The following SFXN1 variants were observed in gnomAD, a reference collection of about 807,000 sequenced individuals.
SFXN1 encodes the protein sideroflexin 1.
Under a neutral mutation model 39.5 loss-of-function variants are expected in SFXN1, and 32 were observed. That is an observed-to-expected ratio of 0.81 (90% CI 0.61 to 1.09). The LOEUF (loss-of-function observed/expected upper bound fraction) is 1.09. Ranked by LOEUF, SFXN1 falls within the 50% of genes least tolerant of loss-of-function variation. SFXN1 has a pLI of 0.00. For missense variants in SFXN1, 402 were observed against 407.1 expected (o/e 0.99, Z 0.11); for synonymous variants, 136 against 146.5 (o/e 0.93, Z 0.52).
chr5:175,493,782 C>T (rs1160803739), intron 2 of SFXN1, among the ~76,000 whole-genome samples: 1 of 152,178 alleles, frequency 6.6e-6, no homozygotes, highest in Non-Finnish European at 1.5e-5. Flanking sequence ...GAGAATGAAC[C>T]TGAGAAGCTT....
chr5:175,498,125 AAATT>A (rs1298814227), intron 2 of SFXN1, among the ~76,000 whole-genome samples: 10 of 152,190 alleles, frequency 6.6e-5, no homozygotes, highest in Non-Finnish European at 1.3e-4. Context: ...ATTAATGAGA[AAATT>A]AATAAGAAAC....
intron 2 of SFXN1, among the ~76,000 whole-genome samples, chr5:175,492,868 A>G (rs1369704528): frequency 6.6e-6 from 1 of 152,220 alleles, no homozygotes; most frequent in Non-Finnish European, 1.5e-5. Flanking sequence ...AAAAGATCAT[A>G]TAGGAACTAT....
chr5:175,525,471 A>G (rs557221020), intron 10 of SFXN1, among the ~76,000 whole-genome samples: 1 of 152,324 alleles, frequency 6.6e-6, no homozygotes, highest in South Asian at 2.1e-4. Context: ...TACATAAACA[A>G]TAGCCATCAT....
chr5:175,526,124 G>GTTTTTTTTTTTTTTTTTTT (rs35414343), intron 10 of SFXN1, among the ~76,000 whole-genome samples: 1 of 127,652 alleles, frequency 7.8e-6, no homozygotes. Flanking sequence ...AAATGTTTTG[G>GTTTTTTTTTTTTTTTTTTT]TTTTTTTTTT....
chr5:175,523,562 G>A (rs1760944180), intron 10 of SFXN1: 1 of 152,160 alleles, frequency 6.6e-6, no homozygotes, highest in Non-Finnish European at 1.5e-5. Context: ...CCTAAGAAAT[G>A]TAGCTGTAAT....
intron 10 of SFXN1, 54 bp from the exon 11 acceptor site, chr5:175,526,584 C>G (rs1761066471): frequency 6.9e-7 from 1 of 1,455,994 alleles, no homozygotes; most frequent in Non-Finnish European, 9.6e-7. Context: ...CTTTCTAGGT[C>G]CTGATTCTCA....
chr5:175,499,707 C>T (rs1028127601), intron 2 of SFXN1, among the ~76,000 whole-genome samples: 2 of 152,178 alleles, frequency 1.3e-5, no homozygotes, highest in African/African-American at 2.4e-5. Flanking sequence ...AGTATGAATA[C>T]GTTCCTCCTA....
chr5:175,520,426 G>C (rs144298454), intron 8 of SFXN1, among the ~76,000 whole-genome samples: 3,744 of 152,236 alleles, frequency 0.025, 66 homozygotes, highest in Non-Finnish European at 0.036. Context: ...TTGCAAGGTA[G>C]GGGTGAATAA....
At chr5:175,502,858 T>G (rs1760135782) in intron 2 of SFXN1, among the ~76,000 whole-genome samples, 1 of 148,714 alleles carries the variant, frequency 6.7e-6, no homozygotes, top group South Asian at 2.1e-4. Context: ...ATAATAATAA[T>G]AATAATAAAT....
intron 1 of SFXN1, among the ~76,000 whole-genome samples, chr5:175,479,962 C>T (rs1166782676): frequency 6.6e-6 from 1 of 152,144 alleles, no homozygotes; most frequent in Non-Finnish European, 1.5e-5. Context: ...AATGAGGAGG[C>T]TTTGCAGCTC....
At chr5:175,481,326 T>C (rs562496240) in intron 1 of SFXN1, among the ~76,000 whole-genome samples, 1 of 152,262 alleles carries the variant, frequency 6.6e-6, no homozygotes, top group Non-Finnish European at 1.5e-5. Context: ...TTTGTTGTTG[T>C]TTGTTTGGTT....
chr5:175,514,894 G>A (rs1190673319), intron 7 of SFXN1, among the ~76,000 whole-genome samples: 3 of 152,214 alleles, frequency 2.0e-5, no homozygotes, highest in African/African-American at 7.2e-5. Context: ...GGACCAGCAC[G>A]TTTGTCACTA....
intron 1 of SFXN1, among the ~76,000 whole-genome samples, chr5:175,484,603 A>G (rs1372118975): frequency 6.6e-6 from 1 of 152,252 alleles, no homozygotes; most frequent in Non-Finnish European, 1.5e-5. Context: ...CCTTAAGGAT[A>G]CCAGCATCTC....
chr5:175,486,413 A>G (rs1307902019), intron 1 of SFXN1, among the ~76,000 whole-genome samples: 2 of 152,194 alleles, frequency 1.3e-5, no homozygotes, highest in Non-Finnish European at 2.9e-5. Flanking sequence ...CATTGGATAA[A>G]TCATTTTTCA....
In SFXN1 at chr5:175,488,332, C is replaced by T. The variant is rs147197833; in HGVS notation, c.-9-3763C>T. On this transcript the variant is annotated intron_variant, in intron 1 of 10. Coordinates refer to ENST00000321442, the MANE Select transcript of SFXN1 (RefSeq NM_022754.7). ...TTTTTTTTTTTTTGAGACGGAGTTT[C>T]GCTCTTGTTGCCCAGGCTGGAGTGC... 1.4e-4 allele frequency among the ~76,000 whole-genome samples: 20 copies of T among 145,438 alleles called. No homozygotes were observed. The East Asian group carries it at 1.4e-3, about 10-fold the overall frequency.
rs33977399 is a variant in SFXN1 at position 175,511,864 on chromosome 5, C to CTCTCTCTCTCT, written c.511-247_511-246insTCTCTCTCTCT. Among the ~76,000 whole-genome samples the CTCTCTCTCTCT allele has an allele frequency of 4.2e-3, 548 of 130,194 alleles. 7 individuals are homozygous for CTCTCTCTCTCT. The highest frequency in any genetic ancestry group is 0.014 in the African/African-American group (510 of 35,336). 85.4% of individuals were successfully genotyped at this position (130,194 alleles called of 152,430 possible). The stretch of plus-strand genomic sequence containing the variant: ...GCATCTCTCTCTCTCTCTCTCTCTC[C>CTCTCTCTCTCT]CCACTCCAAAGCCCATACTCCTGCA... On this transcript the variant is annotated intron_variant, in intron 5 of 10. Coordinates refer to ENST00000321442, the MANE Select transcript of SFXN1 (RefSeq NM_022754.7).
intron 7 of SFXN1, among the ~76,000 whole-genome samples, chr5:175,515,786 G>A (rs1164370542): frequency 6.6e-6 from 1 of 152,116 alleles, no homozygotes; most frequent in Non-Finnish European, 1.5e-5. Context: ...ATTCAAGCAC[G>A]TTAAATGTAT....
chr5:175,493,884 C>T (rs1759756183), intron 2 of SFXN1, among the ~76,000 whole-genome samples: 1 of 152,204 alleles, frequency 6.6e-6, no homozygotes, highest in African/African-American at 2.4e-5. Flanking sequence ...TTCTTTGTCA[C>T]ATATTCTTGT....
In SFXN1 at chr5:175,511,536, T is replaced by G. The variant is rs780051623; in HGVS notation, c.510+10T>G. The G allele has an allele frequency of 6.2e-7, 1 of 1,609,200 alleles. No homozygotes were observed. The highest frequency in any genetic ancestry group is 1.7e-5 in the Admixed American group (1 of 59,600). On this transcript the variant is annotated intron_variant, in intron 5 of 10. Transcript: ENST00000321442. ...CAATGCATTGACCAAGGTACTCAGA[T>G]TTTTATTTCCATAATAAAGCTGTTT...
Sources: gnomAD v4.1 joint callset for allele counts (sites outside exome capture counted in the v4.1 genomes callset) on GRCh38, gnomAD v4.1.1 for gene constraint, MANE v1.5 for transcripts, NCBI Gene and HGNC (gene_info 2026-07-23, HGNC 2026-07-21) for gene names.